The following PPP1R1B variants were observed in gnomAD, a reference collection of about 807,000 sequenced individuals.
PPP1R1B encodes protein phosphatase 1 regulatory inhibitor subunit 1B.
In PPP1R1B, 13 loss-of-function variants were observed where a neutral mutation model predicts 28.2. The ratio of observed to expected loss-of-function variants is 0.46; its 90% CI spans 0.30 to 0.73. The LOEUF (loss-of-function observed/expected upper bound fraction) is 0.73. Among genes scored for constraint, PPP1R1B ranks in the 30% least tolerant of loss-of-function variants. The pLI, the probability that PPP1R1B is intolerant of heterozygous loss-of-function variation, is 0.07. For missense variants in PPP1R1B, 236 were observed against 256.7 expected, an observed-to-expected ratio of 0.92 and a Z score of 0.55; for synonymous variants, 102 against 97.5, an observed-to-expected ratio of 1.05 and a Z score of -0.27.
In PPP1R1B at chr17:39,635,985, CT is replaced by C. The variant is rs1430164333; in HGVS notation, c.*122del. 1.8e-6 allele frequency: 2 copies of C among 1,140,308 alleles called. No individual in the cohort carries two copies. Among genetic ancestry groups the C allele is most frequent in the African/African-American group, 3.1e-5 (2 of 64,972 alleles). 70.6% of individuals were successfully genotyped at this position (1,140,308 alleles called of 1,614,324 possible). On this transcript the variant is annotated 3_prime_UTR_variant, in exon 7 of 7. Coordinates refer to ENST00000254079, the MANE Select transcript of PPP1R1B (RefSeq NM_032192.4). ...CGCCTGCTAGGGCTGCGGCTTCTGA[CT>C]TCTAGAAGACTAAGGCTGGTCTGTG...
At chr17:39,629,284 C>T (rs1025919512) in intron 2 of PPP1R1B, 54 bp downstream of exon 2, 11 of 1,550,318 alleles carry the variant, frequency 7.1e-6, no homozygotes, top group Non-Finnish European at 8.9e-6. Context: ...CTGATGCCTT[C>T]CTAGGGGCCC....
intron 1 of PPP1R1B, 77 bp downstream of exon 1, chr17:39,627,550 C>A: frequency 1.0e-6 from 1 of 953,926 alleles, no homozygotes; most frequent in Admixed American, 3.0e-5. Flanking sequence ...AAGGCGCTGC[C>A]CCGGCCGGAC....
chr17:39,636,186 C>T lies in PPP1R1B; in HGVS notation c.*321C>T, dbSNP rs2056922260. The T allele has an allele frequency of 2.7e-6, 1 of 376,360 alleles. No homozygotes were observed. The highest frequency in any genetic ancestry group is 2.8e-5 in the South Asian group (1 of 36,360). The allele number at this position is 376,360 out of a possible 1,614,324, so 23.3% of individuals were successfully genotyped here. A position where few individuals can be genotyped will look rare whatever the true frequency, so the allele number is the denominator to read the frequency against. ...GGATTTGCCCTTCACAATTCTACTC[C>T]CCAGATCCTCTCCCCTGGACACAGG... is the stretch of plus-strand genomic sequence containing the variant. On this transcript the variant is annotated 3_prime_UTR_variant, in exon 7 of 7. Coordinates refer to ENST00000254079, the MANE Select transcript of PPP1R1B (RefSeq NM_032192.4).
chr17:39,631,976 GGGCGAACA>G (rs2056881205), intron 4 of PPP1R1B, among the ~76,000 whole-genome samples: 1 of 152,210 alleles, frequency 6.6e-6, no homozygotes, highest in South Asian at 2.1e-4. Context: ...CTGCAAGCAT[GGGCGAACA>G]GGCCAGGATG....
At chr17:39,627,548 G>A in intron 1 of PPP1R1B, 75 bp downstream of exon 1, 1 of 981,108 alleles carries the variant, frequency 1.0e-6, no homozygotes, top group Non-Finnish European at 1.5e-6. Context: ...CCAAGGCGCT[G>A]CCCCGGCCGG....
At position 39,627,119 on chromosome 17, in the gene PPP1R1B, G is replaced by C. The variant is rs952827562; in HGVS notation, c.-274G>C. ...ACCGAGACGCAGAGACACCCAGGCCGGGGAGCGCGAGGGAGCGAGGCACAG... is the reference window on the plus strand; with the variant it reads ...ACCGAGACGCAGAGACACCCAGGCCCGGGAGCGCGAGGGAGCGAGGCACAG... On this transcript the variant is annotated 5_prime_UTR_variant, in exon 1 of 7. Coordinates refer to ENST00000254079, the MANE Select transcript of PPP1R1B (RefSeq NM_032192.4). 3 of 427,600 alleles carry C rather than the reference G, an allele frequency of 7.0e-6. No individual in the cohort carries two copies. Among genetic ancestry groups the C allele is most frequent in the Admixed American group, 9.2e-5 (2 of 21,718 alleles). 26.5% of individuals were successfully genotyped at this position (427,600 alleles called of 1,614,324 possible). A position where few individuals can be genotyped will look rare whatever the true frequency, so the allele number is the denominator to read the frequency against.
chr17:39,628,481 G>A (rs997855908), intron 1 of PPP1R1B: 6 of 985,342 alleles, frequency 6.1e-6, no homozygotes, highest in Non-Finnish European at 3.6e-6. Context: ...CTTGGCTCAC[G>A]TAGCAAGGAG....
Position 39,635,949 on chromosome 17 carries a change from G to C in PPP1R1B, c.*84G>C, listed in dbSNP as rs1306159924. 6.8e-7 allele frequency: 1 copy of C among 1,470,432 alleles called. No individual in the cohort carries two copies. The highest frequency in any genetic ancestry group is 1.4e-5 in the African/African-American group (1 of 71,748). The allele number at this position is 1,470,432 out of a possible 1,614,324, so 91.1% of individuals were successfully genotyped here. ...CCACTCTATCCTCACCCTGTTTTGTGCTCTTCCCCTCGCCTGCTAGGGCTG... is the reference window on the plus strand; with the variant it reads ...CCACTCTATCCTCACCCTGTTTTGTCCTCTTCCCCTCGCCTGCTAGGGCTG... On this transcript the variant is annotated 3_prime_UTR_variant, in exon 7 of 7. Coordinates refer to ENST00000254079, the MANE Select transcript of PPP1R1B (RefSeq NM_032192.4).
chr17:39,629,830 T>C (rs1567847701), intron 3 of PPP1R1B, 142 bp from the exon 4 acceptor site: 1 of 939,938 alleles, frequency 1.1e-6, no homozygotes, highest in East Asian at 2.6e-5. Flanking sequence ...AGCCACAGGG[T>C]GGGGAGGCTC....
At chr17:39,635,782 C>T (rs199695055) in intron 6 of PPP1R1B, 34 bp from the exon 7 acceptor site, 2 of 1,613,092 alleles carry the variant, frequency 1.2e-6, no homozygotes, top group East Asian at 4.5e-5. Context: ...GTGGGTGGGG[C>T]CAGGCCCTGA....
chr17:39,630,383 C>T, intron 4 of PPP1R1B: 2 of 339,656 alleles, frequency 5.9e-6, no homozygotes, highest in South Asian at 6.7e-5. Flanking sequence ...CACCTCCCAC[C>T]CCTGCTCATC....
chr17:39,629,418 A>G, intron 2 of PPP1R1B, 122 bp from the exon 3 acceptor site: 5 of 1,396,674 alleles, frequency 3.6e-6, no homozygotes, highest in Non-Finnish European at 5.1e-6. Context: ...GAGAGGGCAC[A>G]CTTTCCCTGT....
intron 5 of PPP1R1B, among the ~76,000 whole-genome samples, chr17:39,634,971 G>A (rs1299842967): frequency 6.6e-6 from 1 of 152,168 alleles, no homozygotes; most frequent in East Asian, 1.9e-4. Context: ...CAAGGCTAGC[G>A]GATCACTTGA....
intron 5 of PPP1R1B, among the ~76,000 whole-genome samples, chr17:39,634,392 G>A (rs1020785302): frequency 6.6e-6 from 1 of 152,238 alleles, no homozygotes; most frequent in Non-Finnish European, 1.5e-5. Context: ...ACCTATGGCA[G>A]TAAGGGGGCG....
intron 1 of PPP1R1B, 134 bp from the exon 2 acceptor site, chr17:39,629,036 A>G: frequency 1.3e-6 from 1 of 770,596 alleles, no homozygotes; most frequent in Non-Finnish European, 2.1e-6. Flanking sequence ...TGAGCTACAG[A>G]GTTCCTTTTG....
chr17:39,635,908 G>T lies in PPP1R1B; in HGVS notation c.*43G>T, dbSNP rs773801565. On this transcript the variant is annotated 3_prime_UTR_variant, in exon 7 of 7. Transcript: ENST00000254079. ...CCCAGGAGGAAGTGGAGGGGACATC[G>T]CTGTTCCCCAGAAACCCACTCTATC... 3 of 1,602,986 alleles carry T rather than the reference G, an allele frequency of 1.9e-6. No homozygotes were observed. The East Asian group carries it at 6.7e-5, about 36-fold the overall frequency.
Position 39,627,349 on chromosome 17 carries a change from AC to A in PPP1R1B, c.-40del. On this transcript the variant is annotated 5_prime_UTR_variant, in exon 1 of 7. Transcript: ENST00000254079. The stretch of plus-strand genomic sequence containing the variant: ...GAGCCCAGCACAGACCGCCGCCGGG[AC>A]CCCGAGTCGCGCACCCCAGCCCCAC... 7.1e-7 allele frequency: 1 copy of A among 1,401,904 alleles called. No homozygotes were observed. Among genetic ancestry groups the A allele is most frequent in the Non-Finnish European group, 9.9e-7 (1 of 1,010,602 alleles). 86.8% of individuals were successfully genotyped at this position (1,401,904 alleles called of 1,614,324 possible).
At chr17:39,634,137 T>C (rs766115705) in intron 5 of PPP1R1B, 51 bp downstream of exon 5, 2 of 1,607,134 alleles carry the variant, frequency 1.2e-6, no homozygotes, top group Non-Finnish European at 1.7e-6. Flanking sequence ...CCTCCTTGAG[T>C]ATACGAGGAC....
At chr17:39,633,714 C>T (rs1027199095) in intron 4 of PPP1R1B, 169 bp from the exon 5 acceptor site, 12 of 1,188,018 alleles carry the variant, frequency 1.0e-5, no homozygotes, top group African/African-American at 1.5e-5. Context: ...CCTGGTCTGA[C>T]ACCCATCAGG....
Sources: gnomAD v4.1 joint callset for allele counts (sites outside exome capture counted in the v4.1 genomes callset) on GRCh38, gnomAD v4.1.1 for gene constraint, MANE v1.5 for transcripts, NCBI Gene and HGNC (gene_info 2026-07-23, HGNC 2026-07-21) for gene names.